Variants in UBTD2 observed in about 807,000 individuals in gnomAD.
The protein encoded by UBTD2 is ubiquitin domain containing 2, also known as ubiquitin domain-containing protein 2.
Under a neutral mutation model 19.8 loss-of-function variants are expected in UBTD2, and 9 were observed. The ratio of observed to expected loss-of-function variants is 0.46; its 90% CI spans 0.27 to 0.79. UBTD2 has a LOEUF of 0.79. Ranked by LOEUF, UBTD2 falls within the 30% of genes least tolerant of loss-of-function variation. UBTD2 has a pLI of 0.14. For missense variants in UBTD2, 250 were observed against 300.4 expected, an observed-to-expected ratio of 0.83 and a Z score of 1.24; for synonymous variants, 98 against 103.9, an observed-to-expected ratio of 0.94 and a Z score of 0.35.
intron 2 of UBTD2, among the ~76,000 whole-genome samples, chr5:172,218,706 C>T (rs1212108468): frequency 4.0e-5 from 6 of 149,554 alleles, no homozygotes; most frequent in Non-Finnish European, 7.4e-5. Flanking sequence ...GATGCCTGTC[C>T]CTGGGAGTTT....
rs1265254361 is a variant in UBTD2, at chr5:172,283,080, G to A, written c.70+516C>T. Among the ~76,000 whole-genome samples the A allele has an allele frequency of 6.6e-6, 1 of 151,986 alleles. No homozygotes were observed. The highest frequency in any genetic ancestry group is 2.1e-4 in the South Asian group (1 of 4,826). ...TCCTCCAGCCGAGCTCCAGAAACTC[G>A]CAGGTTTAAATGGCCAATCTGGAAC... is the stretch of plus-strand genomic sequence containing the variant. On this transcript the variant is annotated intron_variant, in intron 1 of 2. Coordinates refer to ENST00000393792, the MANE Select transcript of UBTD2 (RefSeq NM_152277.3). This position sits in a 1 kb window ranked among gnomAD's most constrained non-coding sequence, Gnocchi z 4.3.
At chr5:172,225,032 T>C (rs995032434) in intron 2 of UBTD2, among the ~76,000 whole-genome samples, 1 of 152,106 alleles carries the variant, frequency 6.6e-6, no homozygotes, top group African/African-American at 2.4e-5. Context: ...TTAACATAGT[T>C]CTAGCCAGGA....
chr5:172,218,798 T>TAAAAAAAAAAAAAAAAAAAAA (rs58608463), intron 2 of UBTD2, among the ~76,000 whole-genome samples: 1 of 121,468 alleles, frequency 8.2e-6, no homozygotes. Flanking sequence ...AATAAAAAAA[T>TAAAAAAAAAAAAAAAAAAAAA]AAAAAAAAAA....
At chr5:172,281,709 C>A (rs1490016506) in intron 1 of UBTD2, among the ~76,000 whole-genome samples, 1 of 152,020 alleles carries the variant, frequency 6.6e-6, no homozygotes, top group East Asian at 1.9e-4. Context: ...ATTATCATGA[C>A]AATAATGGAG....
intron 2 of UBTD2, among the ~76,000 whole-genome samples, chr5:172,219,871 T>C (rs374790170): frequency 2.6e-5 from 4 of 152,222 alleles, no homozygotes; most frequent in African/African-American, 4.8e-5. Context: ...TGTGTTCCAA[T>C]TGACAGCATT....
intron 1 of UBTD2, among the ~76,000 whole-genome samples, chr5:172,256,473 ACTC>A (rs1295659162): frequency 1.4e-5 from 2 of 145,274 alleles, no homozygotes; most frequent in African/African-American, 5.1e-5. Context: ...TCTCAAGTAT[ACTC>A]CTTTTTTAGT....
chr5:172,268,134 G>A (rs1242570282), intron 1 of UBTD2, among the ~76,000 whole-genome samples: 1 of 151,966 alleles, frequency 6.6e-6, no homozygotes, highest in African/African-American at 2.4e-5. Flanking sequence ...TACATTGTGC[G>A]AAGATAAGTA....
intron 2 of UBTD2, among the ~76,000 whole-genome samples, chr5:172,217,052 G>GA (rs573471504): frequency 2.6e-4 from 40 of 152,240 alleles, no homozygotes; most frequent in Admixed American, 2.4e-3. Flanking sequence ...ACAGTGAAGT[G>GA]AAATATCTAA....
At chr5:172,218,751 GGGCAAAGA>G (rs1479225153) in intron 2 of UBTD2, among the ~76,000 whole-genome samples, 1 of 144,360 alleles carries the variant, frequency 6.9e-6, no homozygotes, top group East Asian at 2.0e-4. Flanking sequence ...ACTCCAGCCT[GGGCAAAGA>G]GTCAGACCCT....
At position 172,268,133 on chromosome 5, in the gene UBTD2, C is replaced by T. The variant is rs1460052088; in HGVS notation, c.70+15463G>A. On this transcript the variant is annotated intron_variant, in intron 1 of 2. Coordinates refer to ENST00000393792, the MANE Select transcript of UBTD2 (RefSeq NM_152277.3). ...CAGGTCCAATGCAGCTTACATTGTGCGAAGATAAGTAATGTATAAAAATAG... is the reference window on the plus strand; with the variant it reads ...CAGGTCCAATGCAGCTTACATTGTGTGAAGATAAGTAATGTATAAAAATAG... Among the ~76,000 whole-genome samples the T allele has an allele frequency of 2.6e-5, 4 of 151,780 alleles. No homozygotes were observed. In the South Asian group the frequency reaches 6.2e-4, roughly 24 times the overall value.
chr5:172,255,997 G>C (rs1218997076), intron 1 of UBTD2, among the ~76,000 whole-genome samples: 1 of 152,052 alleles, frequency 6.6e-6, no homozygotes, highest in Non-Finnish European at 1.5e-5. Flanking sequence ...GCTGAGGCAG[G>C]AGAATCGCTT....
At chr5:172,230,141 A>G (rs1001549995) in intron 2 of UBTD2, among the ~76,000 whole-genome samples, 5 of 152,338 alleles carry the variant, frequency 3.3e-5, no homozygotes, top group African/African-American at 1.2e-4. Flanking sequence ...CAATTTCCAG[A>G]ATGAAAATAT....
At chr5:172,282,301 G>A (rs1755734314) in intron 1 of UBTD2, among the ~76,000 whole-genome samples, 2 of 151,986 alleles carry the variant, frequency 1.3e-5, no homozygotes, top group South Asian at 2.1e-4. Context: ...ATAATGCTAC[G>A]ACATAAAATA....
Position 172,283,384 on chromosome 5 carries a change from C to G in UBTD2, c.70+212G>C, listed in dbSNP as rs1017268354. Among the ~76,000 whole-genome samples, 3 of 152,204 alleles carry G rather than the reference C, an allele frequency of 2.0e-5. No individual in the cohort carries two copies. Among genetic ancestry groups the G allele is most frequent in the Non-Finnish European group, 2.9e-5 (2 of 68,024 alleles). On this transcript the variant is annotated intron_variant, in intron 1 of 2. Transcript: ENST00000393792. The surrounding 1 kb of genome is among the most constrained non-coding windows in gnomAD (Gnocchi z 4.3). ...TCGGCGAGGCCAAGGGCTACGTCCCCGGCGCTCAGAGGACTTTTCTTCAGG... is the reference window on the plus strand; with the variant it reads ...TCGGCGAGGCCAAGGGCTACGTCCCGGGCGCTCAGAGGACTTTTCTTCAGG...
chr5:172,268,064 T>C (rs192155456), intron 1 of UBTD2, among the ~76,000 whole-genome samples: 2 of 152,352 alleles, frequency 1.3e-5, no homozygotes, highest in Non-Finnish European at 2.9e-5. Flanking sequence ...TCCACACAAA[T>C]GATAATTGAT....
chr5:172,242,305 C>T (rs1197377491), intron 1 of UBTD2: 1 of 866,372 alleles, frequency 1.2e-6, no homozygotes, highest in East Asian at 1.2e-4. Flanking sequence ...GTTGTCATAC[C>T]TAAGAAAATT....
At chr5:172,274,134 A>ATTTTTTTT (rs1755559025) in intron 1 of UBTD2, among the ~76,000 whole-genome samples, 1 of 104,604 alleles carries the variant, frequency 9.6e-6, no homozygotes, top group Non-Finnish European at 1.8e-5. Context: ...ATTTTGCTTT[A>ATTTTTTTT]CTTTTTTTTT....
At chr5:172,253,372 T>C (rs1755066717) in intron 1 of UBTD2, among the ~76,000 whole-genome samples, 1 of 152,210 alleles carries the variant, frequency 6.6e-6, no homozygotes. Flanking sequence ...TTTTGCTCTA[T>C]ACTGTATTTC....
intron 1 of UBTD2, among the ~76,000 whole-genome samples, chr5:172,271,290 G>A (rs573335333): frequency 1.2e-4 from 18 of 152,112 alleles, no homozygotes; most frequent in Non-Finnish European, 1.8e-4. Flanking sequence ...TTAGCCAGGC[G>A]TGGTGGCAGG....
Sources: allele counts gnomAD v4.1 joint callset (sites outside exome capture counted in the v4.1 genomes callset), GRCh38; gene constraint gnomAD v4.1.1; non-coding constraint Gnocchi (gnomAD v3.1); transcripts MANE v1.5; gene names NCBI Gene and HGNC (gene_info 2026-07-23, HGNC 2026-07-21).